DNAJC24: variants seen among roughly 807,000 people sequenced by gnomAD.
DNAJC24 encodes DnaJ heat shock protein family (Hsp40) member C24.
In DNAJC24, 17 loss-of-function variants were observed where a neutral mutation model predicts 18.0. The ratio of observed to expected loss-of-function variants is 0.94; its 90% CI spans 0.65 to 1.42. DNAJC24 has a LOEUF of 1.42. DNAJC24 is among the 40% of genes most tolerant of loss of function. The pLI, the probability that DNAJC24 is intolerant of heterozygous loss-of-function variation, is 0.00. For synonymous variants in DNAJC24, 55 were observed against 57.7 expected (o/e 0.95, Z 0.21); for missense variants, 158 against 175.6 (o/e 0.90, Z 0.57).
intron 3 of DNAJC24, among the ~76,000 whole-genome samples, chr11:31,421,736 A>G (rs1952806126): frequency 6.6e-6 from 1 of 152,204 alleles, no homozygotes; most frequent in African/African-American, 2.4e-5. Context: ...AAATTTTACT[A>G]TCATTAGGAG....
At chr11:31,390,083 T>C (rs1427375486) in intron 2 of DNAJC24, among the ~76,000 whole-genome samples, 2 of 151,908 alleles carry the variant, frequency 1.3e-5, no homozygotes, top group Non-Finnish European at 2.9e-5. Context: ...AACAGACCAA[T>C]AATAAGTAAC....
At chr11:31,378,289 A>G (rs1952338458) in intron 2 of DNAJC24, among the ~76,000 whole-genome samples, 1 of 152,168 alleles carries the variant, frequency 6.6e-6, no homozygotes, top group Non-Finnish European at 1.5e-5. Flanking sequence ...ATAGTTAACT[A>G]TTTAGCTGTC....
intron 2 of DNAJC24, among the ~76,000 whole-genome samples, chr11:31,404,408 T>C (rs1952634184): frequency 6.6e-6 from 1 of 152,212 alleles, no homozygotes; most frequent in Admixed American, 6.5e-5. Flanking sequence ...ACTGAGTTGC[T>C]CATTTACTTC....
intron 2 of DNAJC24, among the ~76,000 whole-genome samples, chr11:31,384,160 G>A (rs190837886): frequency 1.8e-3 from 274 of 152,206 alleles, no homozygotes; most frequent in African/African-American, 6.2e-3. Context: ...TAAATAAGAA[G>A]CCCTCTTCTC....
intron 3 of DNAJC24, among the ~76,000 whole-genome samples, chr11:31,423,329 C>T (rs560701225): frequency 6.6e-6 from 1 of 152,206 alleles, no homozygotes; most frequent in African/African-American, 2.4e-5. Context: ...GGCGGGATCT[C>T]GACTCACTGC....
rs112431824 is a variant in DNAJC24 at position 31,432,538 on chromosome 11, G to A, written c.*2137G>A. On this transcript the variant is annotated 3_prime_UTR_variant, in exon 5 of 5. Transcript: ENST00000465995. Reference sequence around the variant, plus strand: ...AATCTGTGGCCATTAGGGCTGGCACGTAAAAATCCAAAATCACTCAGAGGC... The same window carrying A: ...AATCTGTGGCCATTAGGGCTGGCACATAAAAATCCAAAATCACTCAGAGGC... The A allele has an allele frequency of 9.3e-6, 15 of 1,612,942 alleles. No individual in the cohort carries two copies. Among genetic ancestry groups the A allele is most frequent in the East Asian group, 8.9e-5 (4 of 44,802 alleles).
chr11:31,422,922 C>A (rs947485312), intron 3 of DNAJC24, among the ~76,000 whole-genome samples: 3 of 152,134 alleles, frequency 2.0e-5, no homozygotes, highest in East Asian at 1.9e-4. Context: ...GGTCACCCCC[C>A]ACTGCCCACA....
At chr11:31,370,675 A>T (rs970476209) in intron 1 of DNAJC24, 41 bp from the exon 2 acceptor site, 2 of 1,008,340 alleles carry the variant, frequency 2.0e-6, no homozygotes, top group African/African-American at 3.3e-5. Flanking sequence ...TCTTAGATAC[A>T]TGGCAAACTG....
intron 2 of DNAJC24, among the ~76,000 whole-genome samples, chr11:31,413,485 CACA>C (rs1328663659): frequency 1.8e-4 from 28 of 151,868 alleles, no homozygotes; most frequent in African/African-American, 6.8e-4. Context: ...CGCCCACCAC[CACA>C]CCTGGCCAAT....
At chr11:31,426,506 C>G in intron 4 of DNAJC24, 151 bp downstream of exon 4, 1 of 491,014 alleles carries the variant, frequency 2.0e-6, no homozygotes, top group Non-Finnish European at 3.5e-6. Flanking sequence ...TGGAGTATTT[C>G]TGCTTAATTC....
At chr11:31,391,614 C>T (rs569629026) in intron 2 of DNAJC24, among the ~76,000 whole-genome samples, 14 of 152,090 alleles carry the variant, frequency 9.2e-5, no homozygotes, top group African/African-American at 3.1e-4. Flanking sequence ...CAAATGCTGG[C>T]GAGGAGGTGG....
At chr11:31,426,177 G>A (rs1205378912) in intron 3 of DNAJC24, 110 bp from the exon 4 acceptor site, 11 of 664,454 alleles carry the variant, frequency 1.7e-5, no homozygotes, top group Admixed American at 3.4e-5. Context: ...TTAAGTGATA[G>A]GTAAGTTAGA....
intron 3 of DNAJC24, chr11:31,417,130 A>G (rs1564957021): frequency 6.6e-6 from 1 of 151,906 alleles, no homozygotes; most frequent in South Asian, 2.1e-4. Flanking sequence ...ACAGCTTTTC[A>G]TGACACTTTA....
chr11:31,422,276 A>C (rs1285217398), intron 3 of DNAJC24: 1 of 166,438 alleles, frequency 6.0e-6, no homozygotes, highest in Non-Finnish European at 1.3e-5. Context: ...ACAGGGTATG[A>C]ACAGACCTTA....
intron 2 of DNAJC24, among the ~76,000 whole-genome samples, chr11:31,398,400 C>A (rs1591909463): frequency 6.6e-6 from 1 of 152,126 alleles, no homozygotes; most frequent in South Asian, 2.1e-4. Flanking sequence ...ACCTGTATAC[C>A]TATATATGTT....
In DNAJC24 at chr11:31,370,958, C is replaced by T. The variant is rs1952234597; in HGVS notation, c.111+99C>T. On this transcript the variant is annotated intron_variant, in intron 2 of 4. Transcript: ENST00000465995. ...TTTCCAGAAAATAGGATACCAGTGGCAGGAATCCAGGTATTAATTTGATTT... is the reference window on the plus strand; with the variant it reads ...TTTCCAGAAAATAGGATACCAGTGGTAGGAATCCAGGTATTAATTTGATTT... The T allele has an allele frequency of 3.1e-5, 20 of 641,788 alleles. No individual in the cohort carries two copies. In the South Asian group the frequency reaches 4.3e-4, roughly 14 times the overall value. 39.8% of individuals were successfully genotyped at this position (641,788 alleles called of 1,614,324 possible).
chr11:31,421,491 A>G (rs1267488091), intron 3 of DNAJC24, among the ~76,000 whole-genome samples: 1 of 152,224 alleles, frequency 6.6e-6, no homozygotes, highest in African/African-American at 2.4e-5. Context: ...CCGCACATGA[A>G]TATTATGGAC....
intron 3 of DNAJC24, among the ~76,000 whole-genome samples, chr11:31,421,653 A>G (rs1425780955): frequency 6.6e-6 from 1 of 152,176 alleles, no homozygotes; most frequent in Non-Finnish European, 1.5e-5. Context: ...TTTAAATTGT[A>G]ACTACAGATA....
intron 1 of DNAJC24, among the ~76,000 whole-genome samples, chr11:31,370,415 G>C (rs947664449): frequency 2.6e-5 from 4 of 152,006 alleles, no homozygotes; most frequent in African/African-American, 9.7e-5. Context: ...AAGACTAGCA[G>C]AAATACCTTC....
Sources: allele counts gnomAD v4.1 joint callset (sites outside exome capture counted in the v4.1 genomes callset), GRCh38; gene constraint gnomAD v4.1.1; transcripts MANE v1.5; gene names NCBI Gene and HGNC (gene_info 2026-07-23, HGNC 2026-07-21).